Variants in ENTPD3 observed in about 807,000 individuals in gnomAD.
The protein encoded by ENTPD3 is CD39 antigen-like 3.
ENTPD3 carries 60 observed loss-of-function variants against 51.2 expected under a neutral mutation model. That is an observed-to-expected ratio of 1.17 (90% CI 0.95 to 1.45). The LOEUF (loss-of-function observed/expected upper bound fraction) is 1.45, where lower values mean the gene tolerates loss of function less well. Among genes scored for constraint, ENTPD3 ranks in the 40% most tolerant of loss-of-function variants. The pLI is 0.00. For synonymous variants in ENTPD3, 221 were observed against 238.4 expected (o/e 0.93, Z 0.67); for missense variants, 593 against 641.1 (o/e 0.93, Z 0.81).
At chr3:40,394,292 CT>C (rs1955141364) in intron 3 of ENTPD3, 1 of 302,256 alleles carries the variant, frequency 3.3e-6, no homozygotes, top group Admixed American at 3.7e-5. Context: ...TTTTTTCTTG[CT>C]GTATTTTTAG....
At chr3:40,397,174 T>C (rs1955225900) in intron 3 of ENTPD3, among the ~76,000 whole-genome samples, 1 of 135,372 alleles carries the variant, frequency 7.4e-6, no homozygotes, top group Admixed American at 8.4e-5. Context: ...AAATGGGTCC[T>C]CTCCTCCAGC....
intron 4 of ENTPD3, among the ~76,000 whole-genome samples, chr3:40,408,269 G>A (rs1955549353): frequency 6.6e-6 from 1 of 152,130 alleles, no homozygotes; most frequent in African/African-American, 2.4e-5. Flanking sequence ...ACTTTTTTAG[G>A]AGTGATTTTT....
intron 10 of ENTPD3, chr3:40,424,218 C>G (rs1955940428): frequency 1.0e-6 from 1 of 957,048 alleles, no homozygotes; most frequent in African/African-American, 1.8e-5. Flanking sequence ...GGGCAGAGAC[C>G]TGTCTTGGTA....
At chr3:40,391,900 C>T (rs924994425) in intron 2 of ENTPD3, 123 bp from the exon 3 acceptor site, 11 of 1,134,112 alleles carry the variant, frequency 9.7e-6, no homozygotes, top group African/African-American at 7.8e-5. Context: ...GTGTGGGTCT[C>T]GCTAACACCA....
chr3:40,389,560 G>A (rs779646941), intron 2 of ENTPD3, among the ~76,000 whole-genome samples: 3 of 152,192 alleles, frequency 2.0e-5, no homozygotes, highest in Non-Finnish European at 2.9e-5. Context: ...CATAAATATT[G>A]ACAAGTTGCC....
intron 5 of ENTPD3, among the ~76,000 whole-genome samples, chr3:40,413,899 A>C (rs1466238): frequency 0.98 from 149,258 of 152,258 alleles, 73,246 homozygotes; most frequent in Middle Eastern, 1. Context: ...ATTTTCCAAG[A>C]AGTGATAATT....
Position 40,414,794 on chromosome 3 carries a change from T to C in ENTPD3, c.551T>C (p.Val184Ala), listed in dbSNP as rs1376406827. The C allele has an allele frequency of 6.2e-7, 1 of 1,613,962 alleles. No individual in the cohort carries two copies. Among genetic ancestry groups the C allele is most frequent in the East Asian group, 2.2e-5 (1 of 44,848 alleles). The change falls in exon 6 of 11, where the codon GTA becomes GCA. Residue 184 changes from valine to alanine, a missense_variant. Physicochemically the swap from Val to Ala is moderately conservative, Grantham distance 64. Coordinates refer to ENST00000301825, the MANE Select transcript of ENTPD3 (RefSeq NM_001248.4). The stretch of plus-strand genomic sequence containing the variant: ...ATCATTTCTGGGCAAGAAGAAGGGG[T>C]ATATGGATGGATTACAGCCAACTAT... Reference protein sequence around the residue: ...AQIISGQEEGVYGWITANYLM... With the variant: ...AQIISGQEEGAYGWITANYLM...
rs1955706171 is a variant in ENTPD3 at position 40,414,792 on chromosome 3, G to A, written c.549G>A (p.Gly183=). ...GAQIISGQEE[G]VYGWITANYL... is the part of the protein sequence containing the mutation. ...AAATCATTTCTGGGCAAGAAGAAGG[G>A]GTATATGGATGGATTACAGCCAACT... is the stretch of plus-strand genomic sequence containing the variant. Residue 183 remains glycine, a synonymous_variant, in exon 6 of 11, where the codon GGG becomes GGA. Transcript: ENST00000301825. 2 of 1,613,852 alleles carry A rather than the reference G, an allele frequency of 1.2e-6. No individual in the cohort carries two copies. The highest frequency in any genetic ancestry group is 2.7e-5 in the African/African-American group (2 of 74,874).
intron 7 of ENTPD3, among the ~76,000 whole-genome samples, chr3:40,417,045 G>A (rs1197054952): frequency 1.3e-5 from 2 of 152,226 alleles, no homozygotes; most frequent in East Asian, 3.9e-4. Flanking sequence ...TTCATGCAGG[G>A]TAGGTTGTGG....
intron 7 of ENTPD3, among the ~76,000 whole-genome samples, chr3:40,420,801 G>A (rs1955852422): frequency 6.6e-6 from 1 of 151,854 alleles, no homozygotes. Context: ...ACTTGAATAT[G>A]TACCTCAGTT....
intron 3 of ENTPD3, among the ~76,000 whole-genome samples, chr3:40,393,110 G>T (rs1955103059): frequency 6.6e-6 from 1 of 152,124 alleles, no homozygotes; most frequent in South Asian, 2.1e-4. Context: ...CCCAGGCTTG[G>T]CTCTGAGGGT....
rs1019571046 is a variant in ENTPD3 at position 40,428,562 on chromosome 3, AT to A, written c.*1057del. Reference sequence around the variant, plus strand: ...TGGCTACAAACTAAAAATCAGCATTATTTCATATTGCTGTTTCTTAGCTGAA... The same window carrying A: ...TGGCTACAAACTAAAAATCAGCATTATTCATATTGCTGTTTCTTAGCTGAA... On this transcript the variant is annotated 3_prime_UTR_variant, in exon 11 of 11. Coordinates refer to ENST00000301825, the MANE Select transcript of ENTPD3 (RefSeq NM_001248.4). 1 of 152,186 alleles carries A rather than the reference AT, an allele frequency of 6.6e-6. No individual in the cohort carries two copies. The highest frequency in any genetic ancestry group is 1.5e-5 in the Non-Finnish European group (1 of 68,048). The allele number at this position is 152,186 out of a possible 1,614,324, so 9.4% of individuals were successfully genotyped here.
chr3:40,423,627 G>A (rs1955926077), intron 9 of ENTPD3, among the ~76,000 whole-genome samples, 199 bp from the exon 10 acceptor site: 1 of 152,122 alleles, frequency 6.6e-6, no homozygotes, highest in Non-Finnish European at 1.5e-5. Flanking sequence ...CACTCAATGA[G>A]TTTAAAGATT....
At chr3:40,405,755 C>G (rs1381757725) in intron 4 of ENTPD3, among the ~76,000 whole-genome samples, 1 of 152,138 alleles carries the variant, frequency 6.6e-6, no homozygotes, top group African/African-American at 2.4e-5. Flanking sequence ...TGTCTGGTGA[C>G]ATACTCCCAA....
chr3:40,400,702 T>C (rs1955333401), intron 3 of ENTPD3, among the ~76,000 whole-genome samples, 192 bp from the exon 4 acceptor site: 1 of 152,140 alleles, frequency 6.6e-6, no homozygotes. Flanking sequence ...CTGCCCTACC[T>C]TTCCTCATTC....
chr3:40,404,948 G>A (rs17078921), intron 4 of ENTPD3, among the ~76,000 whole-genome samples: 6,766 of 152,224 alleles, frequency 0.044, 452 homozygotes, highest in African/African-American at 0.15. Context: ...CTTTGCTGGC[G>A]GTTTCTGTGC....
At chr3:40,427,214 A>G in intron 10 of ENTPD3, 58 bp from the exon 11 acceptor site, 1 of 1,355,572 alleles carries the variant, frequency 7.4e-7, no homozygotes, top group Middle Eastern at 1.8e-4. Context: ...TGACTCCGGT[A>G]TGTGATTGCA....
At chr3:40,427,249 G>A (rs781404966) in intron 10 of ENTPD3, 23 bp from the exon 11 acceptor site, 4 of 1,589,504 alleles carry the variant, frequency 2.5e-6, no homozygotes, top group Admixed American at 1.7e-5. Context: ...CCTGAGCGCT[G>A]AGCCATCTCC....
chr3:40,411,305 A>G (rs1377513966), intron 4 of ENTPD3, among the ~76,000 whole-genome samples: 2 of 121,708 alleles, frequency 1.6e-5, no homozygotes, highest in Non-Finnish European at 3.3e-5. Context: ...AAAAAAAAAA[A>G]GAAAAAAAGA....
Sources: gnomAD v4.1 joint callset for allele counts (sites outside exome capture counted in the v4.1 genomes callset) on GRCh38, gnomAD v4.1.1 for gene constraint, MANE v1.5 for transcripts, NCBI Gene and HGNC (gene_info 2026-07-23, HGNC 2026-07-21) for gene names.